PCNX1: variants seen among roughly 807,000 people sequenced by gnomAD.
The protein encoded by PCNX1 is pecanex-like protein 1.
In PCNX1, 78 loss-of-function variants were observed where a neutral mutation model predicts 242.2. The ratio of observed to expected loss-of-function variants is 0.32; its 90% CI spans 0.27 to 0.39. PCNX1 has a LOEUF of 0.39. Among genes scored for constraint, PCNX1 ranks in the 10% least tolerant of loss-of-function variants. The probability of loss-of-function intolerance (pLI) is 1.00; values close to 1 mark genes in which losing one functional copy is unlikely to be tolerated. For missense variants in PCNX1, 2,581 were observed against 2,856.5 expected, an observed-to-expected ratio of 0.90 and a Z score of 2.20; for synonymous variants, 1,024 against 1,032.9, an observed-to-expected ratio of 0.99 and a Z score of 0.17.
chr14:70,912,806 C>T (rs1251126820), intron 1 of PCNX1, among the ~76,000 whole-genome samples: 2 of 152,190 alleles, frequency 1.3e-5, no homozygotes, highest in East Asian at 3.8e-4. Context: ...TCCCACTGTG[C>T]TGTAGTCACA....
chr14:70,911,863 A>C (rs2055927455), intron 1 of PCNX1, among the ~76,000 whole-genome samples: 1 of 152,174 alleles, frequency 6.6e-6, no homozygotes, highest in South Asian at 2.1e-4. Flanking sequence ...ATAGCTCTGG[A>C]TTATTAAGTC....
At position 71,026,538 on chromosome 14, in the gene PCNX1, G is replaced by A. The variant is rs953145379; in HGVS notation, c.3356-234G>A. ...GATTTTTTTGGTTTTGTTATCTTAGGTTTCTATTATGTGAAAATGGTTGAA... is the reference window on the plus strand; with the variant it reads ...GATTTTTTTGGTTTTGTTATCTTAGATTTCTATTATGTGAAAATGGTTGAA... On this transcript the variant is annotated intron_variant, in intron 14 of 35. Coordinates refer to ENST00000304743, the MANE Select transcript of PCNX1 (RefSeq NM_014982.3). Among the ~76,000 whole-genome samples the A allele has an allele frequency of 2.0e-5, 3 of 152,012 alleles. No individual in the cohort carries two copies. In the South Asian group the frequency reaches 6.2e-4, roughly 32 times the overall value.
At chr14:70,980,903 G>A (rs1411198296) in intron 6 of PCNX1, among the ~76,000 whole-genome samples, 1 of 152,086 alleles carries the variant, frequency 6.6e-6, no homozygotes, top group Non-Finnish European at 1.5e-5. Flanking sequence ...GAATATGAAG[G>A]TGTCGATAAG....
intron 8 of PCNX1, 140 bp downstream of exon 8, chr14:70,996,065 TGTTAGG>T: frequency 1.6e-6 from 1 of 625,626 alleles, no homozygotes. Flanking sequence ...TTACCCTATG[TGTTAGG>T]AAAATGTGAC....
chr14:71,031,779 C>T, intron 16 of PCNX1: 3 of 1,444,940 alleles, frequency 2.1e-6, no homozygotes, highest in Non-Finnish European at 2.9e-6. Context: ...CAGCCTCTTC[C>T]TACCAGTGCA....
At chr14:71,028,474 A>G (rs1436335896) in intron 15 of PCNX1, among the ~76,000 whole-genome samples, 1 of 151,990 alleles carries the variant, frequency 6.6e-6, no homozygotes, top group Non-Finnish European at 1.5e-5. Context: ...TATTGCTTCC[A>G]AGATGAACAT....
chr14:71,033,550 C>T lies in PCNX1; in HGVS notation c.3668+12C>T, dbSNP rs758408894. The T allele has an allele frequency of 3.0e-6, 4 of 1,336,748 alleles. No individual in the cohort carries two copies. In the South Asian group the frequency reaches 4.9e-5, roughly 16 times the overall value. 82.8% of individuals were successfully genotyped at this position (1,336,748 alleles called of 1,614,324 possible). ...CCATCTGTACTTTTGTAAGTGAACT[C>T]AATTGTTATTGAATTAAAAGAAATT... is the stretch of plus-strand genomic sequence containing the variant. On this transcript the variant is annotated intron_variant, in intron 17 of 35. Transcript: ENST00000304743.
chr14:70,953,818 G>A (rs1045142769), intron 2 of PCNX1, among the ~76,000 whole-genome samples: 2 of 151,794 alleles, frequency 1.3e-5, no homozygotes, highest in African/African-American at 4.8e-5. Flanking sequence ...ACAGGCATGT[G>A]CCACCACACC....
At chr14:71,032,570 T>C (rs1263614890) in intron 16 of PCNX1, among the ~76,000 whole-genome samples, 1 of 152,228 alleles carries the variant, frequency 6.6e-6, no homozygotes, top group Non-Finnish European at 1.5e-5. Context: ...ATGTCTGTGT[T>C]ATGATGTGAA....
intron 6 of PCNX1, among the ~76,000 whole-genome samples, chr14:70,988,067 A>T (rs989154832): frequency 6.6e-6 from 1 of 152,204 alleles, no homozygotes; most frequent in Non-Finnish European, 1.5e-5. Context: ...AAATTATGGC[A>T]CAGGGTACTG....
At chr14:70,916,127 A>C (rs1211179932) in intron 1 of PCNX1, among the ~76,000 whole-genome samples, 3 of 152,184 alleles carry the variant, frequency 2.0e-5, no homozygotes, top group Admixed American at 6.5e-5. Context: ...CAAATGTGAC[A>C]TGCTATTCTT....
At position 70,907,849 on chromosome 14, in the gene PCNX1, G is replaced by T. The variant is rs780668686; in HGVS notation, c.-2G>T. Reference sequence around the variant, plus strand: ...CGGCGACGGCGGCGGCGCCGGGTGGGGATGGGGTCGCAGACGCTGCAGATC... The same window carrying T: ...CGGCGACGGCGGCGGCGCCGGGTGGTGATGGGGTCGCAGACGCTGCAGATC... On this transcript the variant is annotated 5_prime_UTR_variant, in exon 1 of 36. Transcript: ENST00000304743. 11 of 1,350,228 alleles carry T rather than the reference G, an allele frequency of 8.1e-6. No individual in the cohort carries two copies. In the African/African-American group the frequency reaches 1.5e-4, roughly 18 times the overall value. The allele number at this position is 1,350,228 out of a possible 1,614,324, so 83.6% of individuals were successfully genotyped here.
rs148296496 is a variant in PCNX1, at chr14:71,059,319, C to G, written c.4852+1595C>G. On this transcript the variant is annotated intron_variant, in intron 26 of 35. Transcript: ENST00000304743. ...ACTCAAATTTGAAAATACAGCAACC[C>G]TTACTCTTTGAACTCCTATAGATTT... Among the ~76,000 whole-genome samples, 470 of 152,216 alleles carry G rather than the reference C, an allele frequency of 3.1e-3. 5 individuals carry two copies. Among genetic ancestry groups the G allele is most frequent in the African/African-American group, 0.011 (451 of 41,540 alleles).
At chr14:71,017,701 A>G (rs547140632) in intron 11 of PCNX1, among the ~76,000 whole-genome samples, 4 of 152,234 alleles carry the variant, frequency 2.6e-5, no homozygotes, top group Non-Finnish European at 5.9e-5. Context: ...GACATGTTCA[A>G]TGACAAGGGA....
Position 71,105,409 on chromosome 14 carries a change from C to T in PCNX1, c.6270C>T (p.His2090=), listed in dbSNP as rs150407960. 4 of 1,613,798 alleles carry T rather than the reference C, an allele frequency of 2.5e-6. No individual in the cohort carries two copies. The African/African-American group carries it at 5.3e-5, about 22-fold the overall frequency. The change falls in exon 33 of 36, where the codon CAC becomes CAT. Residue 2090 remains histidine, a synonymous_variant. Coordinates refer to ENST00000304743, the MANE Select transcript of PCNX1 (RefSeq NM_014982.3). ...NPGQGSGTGL[H]PPVTSYPPTL... is the part of the protein sequence containing the mutation. ...GGCAGGGATCAGGAACTGGACTCCA[C>T]CCACCTGTCACATCTTATCCTCCAA...
chr14:71,050,565 A>G, intron 22 of PCNX1, 87 bp from the exon 23 acceptor site: 2 of 1,257,314 alleles, frequency 1.6e-6, no homozygotes, highest in East Asian at 2.5e-5. Context: ...ACTTCTCCTA[A>G]TACATTTTAC....
intron 10 of PCNX1, 133 bp from the exon 11 acceptor site, chr14:71,012,852 G>A: frequency 1.6e-6 from 1 of 639,114 alleles, no homozygotes; most frequent in African/African-American, 1.9e-5. Flanking sequence ...TATGAGAGAA[G>A]AAAATTAAAG....
chr14:71,088,402 T>C lies in PCNX1; in HGVS notation c.5410T>C (p.Leu1804=), dbSNP rs1231297934. The part of the protein sequence containing the change: ...YGLCVLGRRA[L]GTASHHMSSN... ...ACTCTGTGTTCTGGGACGGAGAGCT[T>C]TGGGGACTGCATCCCATCATATGTC... Residue 1804 remains leucine, a synonymous_variant, in exon 29 of 36, where the codon TTG becomes CTG. Transcript: ENST00000304743. The C allele has an allele frequency of 1.4e-5, 22 of 1,609,670 alleles. No homozygotes were observed. Among genetic ancestry groups the C allele is most frequent in the Admixed American group, 8.3e-5 (5 of 59,956 alleles).
Position 70,991,239 on chromosome 14 carries a change from C to G in PCNX1, c.2444+2540C>G, listed in dbSNP as rs547665427. Among the ~76,000 whole-genome samples, 8 of 140,540 alleles carry G rather than the reference C, an allele frequency of 5.7e-5. No homozygotes were observed. In the South Asian group the frequency reaches 6.6e-4, roughly 12 times the overall value. The allele number at this position is 140,540 out of a possible 152,430, so 92.2% of individuals were successfully genotyped here. A position where few individuals can be genotyped will look rare whatever the true frequency, so the allele number is the denominator to read the frequency against. On this transcript the variant is annotated intron_variant, in intron 7 of 35. Transcript: ENST00000304743. ...TTTTTTTTTGAGACGGAGTCTCGCTCTGTCACCCAGGCTGGAGTGCAGTGG... is the reference window on the plus strand; with the variant it reads ...TTTTTTTTTGAGACGGAGTCTCGCTGTGTCACCCAGGCTGGAGTGCAGTGG...
Sources: gnomAD v4.1 joint callset for allele counts (sites outside exome capture counted in the v4.1 genomes callset) on GRCh38, gnomAD v4.1.1 for gene constraint, MANE v1.5 for transcripts, NCBI Gene and HGNC (gene_info 2026-07-23, HGNC 2026-07-21) for gene names.